Variants in RPL37 observed in about 807,000 individuals in gnomAD.
RPL37 encodes ribosomal protein L37.
A neutral mutation model predicts 14.8 loss-of-function variants in RPL37; 1 was observed. The observed-to-expected ratio is 0.07, with a 90% CI of 0.02 to 0.32. The LOEUF is 0.32. Ranked by LOEUF, RPL37 falls within the 10% of genes least tolerant of loss-of-function variation. The probability of loss-of-function intolerance (pLI) is 1.00; values close to 1 mark genes in which losing one functional copy is unlikely to be tolerated. For missense variants in RPL37, 100 were observed against 128.3 expected (o/e 0.78, Z 1.06); for synonymous variants, 53 against 45.8 (o/e 1.16, Z -0.63).
chr5:40,828,103 TAA>T lies in RPL37; in HGVS notation c.*4399_*4400del, dbSNP rs1745556333. On this transcript the variant is annotated 3_prime_UTR_variant, in exon 4 of 4. Coordinates refer to ENST00000274242, the MANE Select transcript of RPL37 (RefSeq NM_000997.5). ...ACATGAAGTTATGCTATTACAAAAT[TAA>T]GTTTCAATTACAGGCAAGGTTAAAC... 1.3e-5 allele frequency: 2 copies of T among 152,216 alleles called. No individual in the cohort carries two copies. The highest frequency in any genetic ancestry group is 6.5e-5 in the Admixed American group (1 of 15,276). 9.4% of individuals were successfully genotyped at this position (152,216 alleles called of 1,614,324 possible).
Position 40,834,163 on chromosome 5 carries a change from C to A in RPL37, c.224+18G>T, listed in dbSNP as rs1390865416. ...TCAAGCCCACTGGACCAATTATGAT[C>A]GAACATACAAACTGTACCTGAATCT... On this transcript the variant is annotated intron_variant, in intron 3 of 3. Transcript: ENST00000274242. 1.3e-6 allele frequency: 2 copies of A among 1,579,200 alleles called. No homozygotes were observed. The highest frequency in any genetic ancestry group is 1.1e-5 in the South Asian group (1 of 90,378).
Position 40,828,148 on chromosome 5 carries a change from A to G in RPL37, c.*4356T>C, listed in dbSNP as rs1483170046. ...GGTTAAACTCTGCAAGCAACCCAAAACTCAAAAAGGGCTGAATGATAAGTC... is the reference window on the plus strand; with the variant it reads ...GGTTAAACTCTGCAAGCAACCCAAAGCTCAAAAAGGGCTGAATGATAAGTC... On this transcript the variant is annotated 3_prime_UTR_variant, in exon 4 of 4. Transcript: ENST00000274242. 2 of 152,100 alleles carry G rather than the reference A, an allele frequency of 1.3e-5. No individual in the cohort carries two copies. Among genetic ancestry groups the G allele is most frequent in the African/African-American group, 4.8e-5 (2 of 41,388 alleles). 9.4% of individuals were successfully genotyped at this position (152,100 alleles called of 1,614,324 possible).
rs1186231180 is a variant in RPL37 at position 40,831,898 on chromosome 5, C to A, written c.*606G>T. On this transcript the variant is annotated 3_prime_UTR_variant, in exon 4 of 4. Coordinates refer to ENST00000274242, the MANE Select transcript of RPL37 (RefSeq NM_000997.5). Reference sequence around the variant, plus strand: ...CTTGCACCCAAGCCCTACTTTTTCTCAAACCTATTTACATATTCTTAAGTT... The same window carrying A: ...CTTGCACCCAAGCCCTACTTTTTCTAAAACCTATTTACATATTCTTAAGTT... 1 of 152,658 alleles carries A rather than the reference C, an allele frequency of 6.6e-6. No homozygotes were observed. The highest frequency in any genetic ancestry group is 1.5e-5 in the Non-Finnish European group (1 of 68,294). 9.5% of individuals were successfully genotyped at this position (152,658 alleles called of 1,614,324 possible).
rs1745493764 is a variant in RPL37, at chr5:40,825,508, AG to A, written c.*6995del. On this transcript the variant is annotated 3_prime_UTR_variant, in exon 4 of 4. Coordinates refer to ENST00000274242, the MANE Select transcript of RPL37 (RefSeq NM_000997.5). ...CCTAATAGGACAATTGTTCACTCTG[AG>A]GCTTCTGGCTTCTTATCTCTCCTCT... 6.6e-6 allele frequency: 1 copy of A among 152,184 alleles called. No individual in the cohort carries two copies. The highest frequency in any genetic ancestry group is 1.5e-5 in the Non-Finnish European group (1 of 68,074). 9.4% of individuals were successfully genotyped at this position (152,184 alleles called of 1,614,324 possible). A position where few individuals can be genotyped will look rare whatever the true frequency, so the allele number is the denominator to read the frequency against.
In RPL37 at chr5:40,831,707, A is replaced by G. The variant is rs1365860758; in HGVS notation, c.*797T>C. The G allele has an allele frequency of 6.6e-6, 1 of 152,306 alleles. No individual in the cohort carries two copies. Among genetic ancestry groups the G allele is most frequent in the Admixed American group, 6.5e-5 (1 of 15,268 alleles). 9.4% of individuals were successfully genotyped at this position (152,306 alleles called of 1,614,324 possible). ...CCCCCAACCCTGTCAATAAACCACG[A>G]AAACTAGGAAGGCACGACAGCAAGT... is the stretch of plus-strand genomic sequence containing the variant. On this transcript the variant is annotated 3_prime_UTR_variant, in exon 4 of 4. Transcript: ENST00000274242.
chr5:40,828,273 G>A lies in RPL37; in HGVS notation c.*4231C>T, dbSNP rs746467101. On this transcript the variant is annotated 3_prime_UTR_variant, in exon 4 of 4. Transcript: ENST00000274242. ...TGTCTATTACGCTCGTGGTATCCTTGTCTTACACACTTATCACTATCTGCA... is the reference window on the plus strand; with the variant it reads ...TGTCTATTACGCTCGTGGTATCCTTATCTTACACACTTATCACTATCTGCA... 1.3e-5 allele frequency: 2 copies of A among 152,134 alleles called. No homozygotes were observed. Among genetic ancestry groups the A allele is most frequent in the East Asian group, 3.9e-4 (2 of 5,192 alleles). 9.4% of individuals were successfully genotyped at this position (152,134 alleles called of 1,614,324 possible).
In RPL37 at chr5:40,828,718, A is replaced by T. The variant is rs1380300774; in HGVS notation, c.*3786T>A. 1 of 152,104 alleles carries T rather than the reference A, an allele frequency of 6.6e-6. No homozygotes were observed. The highest frequency in any genetic ancestry group is 1.5e-5 in the Non-Finnish European group (1 of 68,024). The allele number at this position is 152,104 out of a possible 1,614,324, so 9.4% of individuals were successfully genotyped here. The stretch of plus-strand genomic sequence containing the variant: ...CCACATGTGACTGAGTGCCCCCCTC[A>T]AACAATCCCCTTCCTTGGTTTGTGT... On this transcript the variant is annotated 3_prime_UTR_variant, in exon 4 of 4. Coordinates refer to ENST00000274242, the MANE Select transcript of RPL37 (RefSeq NM_000997.5).
Position 40,831,995 on chromosome 5 carries a change from G to A in RPL37, c.*509C>T, listed in dbSNP as rs1745649983. ...ACAGCCCACAAGTCAGGTGTGCCAA[G>A]TGAGCATTACAGATACTAGGATAAG... On this transcript the variant is annotated 3_prime_UTR_variant, in exon 4 of 4. Coordinates refer to ENST00000274242, the MANE Select transcript of RPL37 (RefSeq NM_000997.5). 6.3e-6 allele frequency: 1 copy of A among 159,522 alleles called. No individual in the cohort carries two copies. The highest frequency in any genetic ancestry group is 1.4e-5 in the Non-Finnish European group (1 of 71,520). The allele number at this position is 159,522 out of a possible 1,614,324, so 9.9% of individuals were successfully genotyped here.
At position 40,826,688 on chromosome 5, in the gene RPL37, C is replaced by A. The variant is rs1247020235; in HGVS notation, c.*5816G>T. ...GGATGTGAGAATGTTTCCTGAGGAC[C>A]AGATGTGTGACACTCAGGAGAGAGC... On this transcript the variant is annotated 3_prime_UTR_variant, in exon 4 of 4. Transcript: ENST00000274242. 1.3e-5 allele frequency: 2 copies of A among 152,132 alleles called. No individual in the cohort carries two copies. Among genetic ancestry groups the A allele is most frequent in the Non-Finnish European group, 2.9e-5 (2 of 68,034 alleles). The allele number at this position is 152,132 out of a possible 1,614,324, so 9.4% of individuals were successfully genotyped here.
At position 40,826,842 on chromosome 5, in the gene RPL37, A is replaced by G. The variant is rs1381954965; in HGVS notation, c.*5662T>C. On this transcript the variant is annotated 3_prime_UTR_variant, in exon 4 of 4. Transcript: ENST00000274242. Reference sequence around the variant, plus strand: ...ATCCAGGCTGGAGTGCAGTGGCACAATCAAGGTTCACTGCAGCCTTGACCT... The same window carrying G: ...ATCCAGGCTGGAGTGCAGTGGCACAGTCAAGGTTCACTGCAGCCTTGACCT... 1.3e-5 allele frequency: 2 copies of G among 152,362 alleles called. No homozygotes were observed. Among genetic ancestry groups the G allele is most frequent in the Non-Finnish European group, 2.9e-5 (2 of 68,160 alleles). 9.4% of individuals were successfully genotyped at this position (152,362 alleles called of 1,614,324 possible). A position where few individuals can be genotyped will look rare whatever the true frequency, so the allele number is the denominator to read the frequency against.
rs1164739780 is a variant in RPL37 at position 40,827,993 on chromosome 5, T to C, written c.*4511A>G. 1 of 152,184 alleles carries C rather than the reference T, an allele frequency of 6.6e-6. No individual in the cohort carries two copies. The highest frequency in any genetic ancestry group is 1.5e-5 in the Non-Finnish European group (1 of 68,022). 9.4% of individuals were successfully genotyped at this position (152,184 alleles called of 1,614,324 possible). ...ATAAAACACCTAAATATAATCCAAA[T>C]GTGCTAATAAATGTGAAACAGCCTC... On this transcript the variant is annotated 3_prime_UTR_variant, in exon 4 of 4. Coordinates refer to ENST00000274242, the MANE Select transcript of RPL37 (RefSeq NM_000997.5).
intron 3 of RPL37, 107 bp downstream of exon 3, chr5:40,834,074 C>T (rs1004807227): frequency 1.5e-5 from 12 of 810,486 alleles, no homozygotes; most frequent in African/African-American, 1.0e-4. Context: ...AAGCTTCCAA[C>T]ATCTCATCCC....
Position 40,827,757 on chromosome 5 carries a change from CG to C in RPL37, c.*4746del, listed in dbSNP as rs1745549428. 6.6e-6 allele frequency: 1 copy of C among 150,402 alleles called. No individual in the cohort carries two copies. Among genetic ancestry groups the C allele is most frequent in the African/African-American group, 2.4e-5 (1 of 40,826 alleles). 9.3% of individuals were successfully genotyped at this position (150,402 alleles called of 1,614,324 possible). A position where few individuals can be genotyped will look rare whatever the true frequency, so the allele number is the denominator to read the frequency against. ...CTTTTTTTTTTTTGAGATGGAGTCT[CG>C]CTCTGCCGCCCGCCGTTCTCTCAGC... On this transcript the variant is annotated 3_prime_UTR_variant, in exon 4 of 4. Coordinates refer to ENST00000274242, the MANE Select transcript of RPL37 (RefSeq NM_000997.5).
chr5:40,832,104 C>A lies in RPL37; in HGVS notation c.*400G>T. ...TCCCAAGCTCTATGTGACTAATAAT[C>A]ATCCCCCTAGTCATGACAGCATAGC... On this transcript the variant is annotated 3_prime_UTR_variant, in exon 4 of 4. Coordinates refer to ENST00000274242, the MANE Select transcript of RPL37 (RefSeq NM_000997.5). 1 of 203,314 alleles carries A rather than the reference C, an allele frequency of 4.9e-6. No homozygotes were observed. Among genetic ancestry groups the A allele is most frequent in the Non-Finnish European group, 1.0e-5 (1 of 95,538 alleles). 12.6% of individuals were successfully genotyped at this position (203,314 alleles called of 1,614,324 possible).
Position 40,829,276 on chromosome 5 carries a change from G to A in RPL37, c.*3228C>T, listed in dbSNP as rs754937187. On this transcript the variant is annotated 3_prime_UTR_variant, in exon 4 of 4. Coordinates refer to ENST00000274242, the MANE Select transcript of RPL37 (RefSeq NM_000997.5). ...CCTGTTACCTAGTTTCCAGCTTCAA[G>A]ACTCATCACATGCACACTAACACTT... is the stretch of plus-strand genomic sequence containing the variant. 6.6e-6 allele frequency: 1 copy of A among 152,216 alleles called. No individual in the cohort carries two copies. Among genetic ancestry groups the A allele is most frequent in the Non-Finnish European group, 1.5e-5 (1 of 68,046 alleles). 9.4% of individuals were successfully genotyped at this position (152,216 alleles called of 1,614,324 possible). A position where few individuals can be genotyped will look rare whatever the true frequency, so the allele number is the denominator to read the frequency against.
intron 3 of RPL37, 21 bp downstream of exon 3, chr5:40,834,160 G>C (rs1323674772): frequency 6.4e-7 from 1 of 1,566,130 alleles, no homozygotes; most frequent in Middle Eastern, 1.7e-4. Context: ...GACCAATTAT[G>C]ATCGAACATA....
intron 1 of RPL37, 173 bp downstream of exon 1, chr5:40,835,010 C>T (rs1401733650): frequency 3.1e-5 from 26 of 832,606 alleles, no homozygotes; most frequent in Middle Eastern, 2.2e-4. Context: ...GGATAGGTCC[C>T]CCAGGCACCA....
rs1440772990 is a variant in RPL37, at chr5:40,826,026, AAAC to A, written c.*6475_*6477del. ...ACCCGGCCGCTCCTCAGTCAATTCTAAACAACTGTCCTCACTTGAGGAAGCTGG... is the reference window on the plus strand; with the variant it reads ...ACCCGGCCGCTCCTCAGTCAATTCTAAACTGTCCTCACTTGAGGAAGCTGG... On this transcript the variant is annotated 3_prime_UTR_variant, in exon 4 of 4. Transcript: ENST00000274242. 2 of 152,152 alleles carry A rather than the reference AAAC, an allele frequency of 1.3e-5. No individual in the cohort carries two copies. The highest frequency in any genetic ancestry group is 2.1e-4 in the South Asian group (1 of 4,828). 9.4% of individuals were successfully genotyped at this position (152,152 alleles called of 1,614,324 possible).
rs1214046527 is a variant in RPL37 at position 40,833,004 on chromosome 5, T to A, written c.225-431A>T. ...GCTTTGCATTTTAACTTATTTAACA[T>A]CTGTATCTACTCTAAGAAGTATCTA... On this transcript the variant is annotated intron_variant, in intron 3 of 3. Transcript: ENST00000274242. Among the ~76,000 whole-genome samples the A allele has an allele frequency of 6.6e-5, 10 of 152,368 alleles. No homozygotes were observed. The East Asian group carries it at 1.9e-3, about 29-fold the overall frequency.
Sources: allele counts gnomAD v4.1 joint callset (sites outside exome capture counted in the v4.1 genomes callset), GRCh38; gene constraint gnomAD v4.1.1; transcripts MANE v1.5; gene names NCBI Gene and HGNC (gene_info 2026-07-23, HGNC 2026-07-21).